The following EPHA6 variants were observed in gnomAD, a reference collection of about 807,000 sequenced individuals.
EPHA6 encodes the protein ephrin type-A receptor 6.
In EPHA6, 50 loss-of-function variants were observed where a neutral mutation model predicts 112.0. The observed-to-expected ratio is 0.45, with a 90% confidence interval of 0.36 to 0.56. The LOEUF (loss-of-function observed/expected upper bound fraction) is 0.56, where lower values mean the gene tolerates loss of function less well. Ranked by LOEUF, EPHA6 falls within the 20% of genes least tolerant of loss-of-function variation. The pLI, the probability that EPHA6 is intolerant of heterozygous loss-of-function variation, is 0.00. For synonymous variants in EPHA6, 529 were observed against 490.7 expected, an observed-to-expected ratio of 1.08 and a Z score of -1.03; for missense variants, 1,280 against 1,417.4, an observed-to-expected ratio of 0.90 and a Z score of 1.56.
At chr3:96,895,888 G>T (rs1235518399) in intron 2 of EPHA6, among the ~76,000 whole-genome samples, 1 of 152,174 alleles carries the variant, frequency 6.6e-6, no homozygotes, top group Non-Finnish European at 1.5e-5. Flanking sequence ...CATTGAATTT[G>T]AGGAGTAACC....
intron 3 of EPHA6, among the ~76,000 whole-genome samples, chr3:96,998,220 A>G (rs572675489): frequency 1.3e-5 from 2 of 151,954 alleles, no homozygotes; most frequent in Non-Finnish European, 2.9e-5. Context: ...ATGACTTACC[A>G]TGTTACCCAT....
intron 14 of EPHA6, chr3:97,648,378 A>G: frequency 6.5e-7 from 1 of 1,527,636 alleles, no homozygotes; most frequent in South Asian, 1.2e-5. Flanking sequence ...GACATAGCCT[A>G]CACCCAACTG....
At chr3:97,341,331 G>T (rs1406041835) in intron 5 of EPHA6, among the ~76,000 whole-genome samples, 1 of 151,898 alleles carries the variant, frequency 6.6e-6, no homozygotes, top group Non-Finnish European at 1.5e-5. Flanking sequence ...CTCTTGTTAT[G>T]CTATGGTATT....
At chr3:97,383,062 G>A (rs572076063) in intron 5 of EPHA6, among the ~76,000 whole-genome samples, 62 of 152,030 alleles carry the variant, frequency 4.1e-4, no homozygotes, top group African/African-American at 1.3e-3. Context: ...GGATACCACC[G>A]ATGCATTTAA....
At chr3:97,689,897 G>T (rs1217328613) in intron 14 of EPHA6, among the ~76,000 whole-genome samples, 1 of 152,146 alleles carries the variant, frequency 6.6e-6, no homozygotes. Context: ...GGTCTTTTGT[G>T]ACTTGCTTCT....
intron 2 of EPHA6, among the ~76,000 whole-genome samples, chr3:96,921,076 T>A (rs2039735622): frequency 6.6e-6 from 1 of 152,020 alleles, no homozygotes; most frequent in Non-Finnish European, 1.5e-5. Flanking sequence ...AATTACATTA[T>A]ACTTTAAGAC....
chr3:97,047,570 G>A (rs1195705786), intron 3 of EPHA6, among the ~76,000 whole-genome samples: 1 of 151,314 alleles, frequency 6.6e-6, no homozygotes, highest in East Asian at 1.9e-4. Context: ...TATAAGGGAT[G>A]GGTAGTTTAT....
chr3:96,848,246 A>G (rs1369534985), intron 1 of EPHA6, among the ~76,000 whole-genome samples: 1 of 152,094 alleles, frequency 6.6e-6, no homozygotes, highest in African/African-American at 2.4e-5. Flanking sequence ...AGTTATTTTT[A>G]ATATTTCTAC....
chr3:97,675,921 A>T (rs2031333484), intron 14 of EPHA6, among the ~76,000 whole-genome samples: 1 of 152,206 alleles, frequency 6.6e-6, no homozygotes, highest in Admixed American at 6.5e-5. Context: ...TACAGCTAAC[A>T]GCATTCCTAT....
chr3:96,879,834 C>T (rs2037202333), intron 2 of EPHA6, among the ~76,000 whole-genome samples: 1 of 151,970 alleles, frequency 6.6e-6, no homozygotes, highest in Non-Finnish European at 1.5e-5. Flanking sequence ...TAGAGTGCTA[C>T]CAATTTGTGT....
chr3:96,901,216 T>G (rs565078418), intron 2 of EPHA6, among the ~76,000 whole-genome samples: 1 of 152,238 alleles, frequency 6.6e-6, no homozygotes, highest in South Asian at 2.1e-4. Flanking sequence ...GCCAACAGAT[T>G]TTGAAGCTCT....
intron 4 of EPHA6, among the ~76,000 whole-genome samples, chr3:97,230,962 A>G (rs1160766732): frequency 6.6e-6 from 1 of 152,202 alleles, no homozygotes. Context: ...TTTCCTTTGT[A>G]GATACAAATT....
chr3:97,143,078 A>G (rs578009059), intron 3 of EPHA6, among the ~76,000 whole-genome samples: 3 of 151,958 alleles, frequency 2.0e-5, no homozygotes, highest in Admixed American at 2.0e-4. Context: ...TGACTTCAGT[A>G]TCAATATACA....
In EPHA6 at chr3:97,328,021, ATG is replaced by A. The variant is rs552186447; in HGVS notation, c.1607-77127_1607-77126del. Among the ~76,000 whole-genome samples, 686 of 131,668 alleles carry A rather than the reference ATG, an allele frequency of 5.2e-3. 6 individuals are homozygous for A. Among genetic ancestry groups the A allele is most frequent in the African/African-American group, 0.02 (596 of 30,456 alleles). 86.4% of individuals were successfully genotyped at this position (131,668 alleles called of 152,430 possible). ...TGTATGTATATGTATATGTGTATAT[ATG>A]TATATGTGTATATATACACACATAT... On this transcript the variant is annotated intron_variant, in intron 5 of 17. Transcript: ENST00000389672.
chr3:97,389,822 T>C (rs1215819649), intron 5 of EPHA6, among the ~76,000 whole-genome samples: 1 of 152,176 alleles, frequency 6.6e-6, no homozygotes, highest in Non-Finnish European at 1.5e-5. Flanking sequence ...AGCAATGTTA[T>C]GTTTAACAAA....
chr3:96,827,946 G>T (rs2033774727), intron 1 of EPHA6, among the ~76,000 whole-genome samples: 6 of 152,060 alleles, frequency 3.9e-5, no homozygotes, highest in Admixed American at 3.9e-4. Context: ...TTGCTTTAGA[G>T]TGGCTAAGAA....
chr3:97,031,555 A>C (rs2044844535), intron 3 of EPHA6, among the ~76,000 whole-genome samples: 1 of 152,132 alleles, frequency 6.6e-6, no homozygotes, highest in South Asian at 2.1e-4. Context: ...CATCTGACAA[A>C]GGGCTAATAC....
intron 3 of EPHA6, among the ~76,000 whole-genome samples, chr3:97,184,852 G>T (rs978662745): frequency 6.6e-6 from 1 of 152,170 alleles, no homozygotes; most frequent in Admixed American, 6.5e-5. Flanking sequence ...GTATGGTACT[G>T]TTACCAAAAC....
chr3:96,855,486 C>G (rs781371599), intron 1 of EPHA6, among the ~76,000 whole-genome samples: 4 of 151,388 alleles, frequency 2.6e-5, no homozygotes, highest in African/African-American at 4.9e-5. Context: ...GTAACAGTTA[C>G]TGAAACAGAG....
Sources: allele counts gnomAD v4.1 joint callset (sites outside exome capture counted in the v4.1 genomes callset), GRCh38; gene constraint gnomAD v4.1.1; transcripts MANE v1.5; gene names NCBI Gene and HGNC (gene_info 2026-07-23, HGNC 2026-07-21).